Variants in SPTBN5 observed in about 807,000 individuals in gnomAD.
SPTBN5 encodes the protein spectrin beta chain, non-erythrocytic 5.
In SPTBN5, 513 loss-of-function variants were observed where a neutral mutation model predicts 477.6. The ratio of observed to expected loss-of-function variants is 1.07; its 90% CI spans 1.00 to 1.16. The LOEUF is 1.16. Ranked by LOEUF, SPTBN5 falls within the 50% of genes most tolerant of loss-of-function variation. The pLI is 0.00. For missense variants in SPTBN5, 5,062 were observed against 4,731.8 expected (o/e 1.07, Z -2.05); for synonymous variants, 2,169 against 2,011.7 (o/e 1.08, Z -2.09).
chr15:41,876,777 C>T (rs1468831368), intron 19 of SPTBN5, 32 bp downstream of exon 19: 1 of 1,608,106 alleles, frequency 6.2e-7, no homozygotes. Flanking sequence ...AAAGGGTCAT[C>T]TGCAGGTGCT....
chr15:41,856,503 G>A lies in SPTBN5; in HGVS notation c.8904C>T (p.His2968=), dbSNP rs773045629. Residue 2968 remains histidine (H), a synonymous_variant, in exon 53 of 68, where the codon CAC becomes CAT. Coordinates refer to ENST00000320955, the MANE Select transcript of SPTBN5 (RefSeq NM_016642.4). ...GCTGCTGCACCCGGGCGGCCACCTC[G>A]TGGGCGGCAAAGTGCCCAGCCTGCA... ...KLVQAGHFAA[H]EVAARVQQLE... The A allele has an allele frequency of 2.1e-5, 33 of 1,599,378 alleles. No homozygotes were observed. The highest frequency in any genetic ancestry group is 3.3e-4 in the Middle Eastern group (2 of 5,986).
intron 21 of SPTBN5, 59 bp from the exon 22 acceptor site, chr15:41,875,681 G>T: frequency 6.7e-7 from 1 of 1,499,414 alleles, no homozygotes; most frequent in East Asian, 2.5e-5. Context: ...ACCAGTGGCC[G>T]CAGCAGGCTG....
At position 41,852,382 on chromosome 15, in the gene SPTBN5, C is replaced by T. The variant is rs534408675; in HGVS notation, c.10450-66G>A. 78 of 1,493,774 alleles carry T rather than the reference C, an allele frequency of 5.2e-5. No individual in the cohort carries two copies. The Admixed American group carries it at 1.3e-3, about 25-fold the overall frequency. The allele number at this position is 1,493,774 out of a possible 1,614,324, so 92.5% of individuals were successfully genotyped here. A position where few individuals can be genotyped will look rare whatever the true frequency, so the allele number is the denominator to read the frequency against. ...GGAGACCAGCCACACCTCAGGTTCC[C>T]GTCTACCTCCCCTCCCCCAGCCCTC... is the stretch of plus-strand genomic sequence containing the variant. On this transcript the variant is annotated intron_variant, in intron 61 of 67. Transcript: ENST00000320955.
At position 41,851,311 on chromosome 15, in the gene SPTBN5, A is replaced by G. The variant is rs534996037; in HGVS notation, c.10715T>C (p.Leu3572Pro). 13 of 1,551,180 alleles carry G rather than the reference A, an allele frequency of 8.4e-6. No individual in the cohort carries two copies. Among genetic ancestry groups the G allele is most frequent in the East Asian group, 4.9e-5 (2 of 40,918 alleles). ...CGCTGCCATCCTCTCATCCAGGAAC[A>G]GGCTCAGAGAGCTGCCCTGCAAGTT... ...RGNLQGSSLS[L>P]FLDERMAAEK... The change falls in exon 64 of 68, where the codon CTG (leucine) becomes CCG (proline). Residue 3572 changes from leucine to proline, a missense_variant. Coordinates refer to ENST00000320955, the MANE Select transcript of SPTBN5 (RefSeq NM_016642.4).
intron 16 of SPTBN5, 66 bp from the exon 17 acceptor site, chr15:41,878,695 C>G (rs2066835158): frequency 1.3e-6 from 2 of 1,512,710 alleles, no homozygotes; most frequent in Non-Finnish European, 1.8e-6. Context: ...GGCACATGTC[C>G]TCTCTCCAAA....
rs754396835 is a variant in SPTBN5, at chr15:41,855,687, A to G, written c.9080T>C (p.Met3027Thr). The change falls in exon 54 of 68, where the codon ATG (methionine) becomes ACG (threonine). Residue 3027 changes from methionine (M) to threonine (T), a missense_variant. Met to Thr is a moderately conservative substitution (Grantham distance 81). Coordinates refer to ENST00000320955, the MANE Select transcript of SPTBN5 (RefSeq NM_016642.4). ...ERGHVLDSED[M>T]GHSAEATQAL... Reference sequence around the variant, plus strand: ...CTGTGTGGCTTCAGCACTGTGGCCCATGTCCTCGCTGTCCAGGACATGGCC... The same window carrying G: ...CTGTGTGGCTTCAGCACTGTGGCCCGTGTCCTCGCTGTCCAGGACATGGCC... 1.9e-6 allele frequency: 3 copies of G among 1,602,936 alleles called. No homozygotes were observed. The highest frequency in any genetic ancestry group is 1.7e-6 in the Non-Finnish European group (2 of 1,176,930).
intron 1 of SPTBN5, 71 bp from the exon 2 acceptor site, chr15:41,893,617 C>A: frequency 1.4e-6 from 2 of 1,445,778 alleles, no homozygotes. Flanking sequence ...GGGGTCCCGC[C>A]TTGCCAGACT....
At chr15:41,884,910 G>A (rs2067097512) in intron 7 of SPTBN5, among the ~76,000 whole-genome samples, 1 of 152,208 alleles carries the variant, frequency 6.6e-6, no homozygotes, top group African/African-American at 2.4e-5. Context: ...TGTCTCCCAC[G>A]TCTGCATGGC....
Position 41,855,556 on chromosome 15 carries a change from G to T in SPTBN5, c.9211C>A (p.Pro3071Thr), listed in dbSNP as rs2065908716. The change falls in exon 54 of 68, where the codon CCA becomes ACA. Residue 3071 changes from proline (P) to threonine (T), a missense_variant. Coordinates refer to ENST00000320955, the MANE Select transcript of SPTBN5 (RefSeq NM_016642.4). ...GGTGTGGCTTCCGCCCACCTTTCTGGGTTCTTCCTGCTCTCCAGGAGTGCT... is the reference window on the plus strand; with the variant it reads ...GGTGTGGCTTCCGCCCACCTTTCTGTGTTCTTCCTGCTCTCCAGGAGTGCT... ...TAALLESRKNPESPKVLAQLQ... is the reference protein window; with the variant it reads ...TAALLESRKNTESPKVLAQLQ... 2.5e-6 allele frequency: 4 copies of T among 1,609,276 alleles called. No individual in the cohort carries two copies. The highest frequency in any genetic ancestry group is 2.5e-6 in the Non-Finnish European group (3 of 1,177,496).
intron 53 of SPTBN5, among the ~76,000 whole-genome samples, 178 bp from the exon 54 acceptor site, chr15:41,855,923 G>A (rs1453824528): frequency 6.6e-6 from 1 of 152,228 alleles, no homozygotes; most frequent in African/African-American, 2.4e-5. Context: ...GAGCGGCAGT[G>A]TTTTGTAAAG....
intron 34 of SPTBN5, 68 bp downstream of exon 34, chr15:41,868,001 G>A (rs553483025): frequency 7.9e-6 from 12 of 1,511,534 alleles, no homozygotes; most frequent in South Asian, 1.3e-5. Flanking sequence ...GAAAGGGACT[G>A]AGCAGAGAGG....
rs764748910 is a variant in SPTBN5, at chr15:41,871,797, G to T, written c.5286C>A (p.Asp1762Glu). Residue 1762 changes from aspartate (D) to glutamate (E), a missense_variant, in exon 28 of 68, where the codon GAC becomes GAA. Physicochemically the swap from Asp to Glu is conservative, Grantham distance 45 (BLOSUM62 2). Transcript: ENST00000320955. ...AAKGGESLGE[D>E]PEHALHLCTK... ...CTCTTCTCACCAGGGCGTGCTCGGG[G>T]TCCTCTCCCAGGCTCTCCCCTCCTT... 14 of 1,589,788 alleles carry T rather than the reference G, an allele frequency of 8.8e-6. No homozygotes were observed. Among genetic ancestry groups the T allele is most frequent in the East Asian group, 2.3e-5 (1 of 43,426 alleles).
At position 41,874,469 on chromosome 15, in the gene SPTBN5, AAG is replaced by A; in HGVS notation, c.4510_4511del (p.Leu1504SerfsTer112). On this transcript the variant is annotated frameshift_variant, in exon 24 of 68. Coordinates refer to ENST00000320955, the MANE Select transcript of SPTBN5 (RefSeq NM_016642.4). LOFTEE classifies it high-confidence loss of function. ...ETQKHLRRLE[L>X]LQGHLAIRGL... ...CCCGGATGGCCAGATGCCCCTGCAG[AAG>A]CTCCAGCCTAGGAGGAGGAGGAAGA... 1 of 1,608,316 alleles carries A rather than the reference AAG, an allele frequency of 6.2e-7. No homozygotes were observed. The highest frequency in any genetic ancestry group is 8.5e-7 in the Non-Finnish European group (1 of 1,177,978).
In SPTBN5 at chr15:41,866,405, T is replaced by C; in HGVS notation, c.6569A>G (p.Lys2190Arg). The change falls in exon 37 of 68, where the codon AAA (lysine) becomes AGA (arginine). Residue 2190 changes from lysine to arginine, a missense_variant. Coordinates refer to ENST00000320955, the MANE Select transcript of SPTBN5 (RefSeq NM_016642.4). Reference sequence around the variant, plus strand: ...GACTTCAGCCTCAAAGGCCTGGTGTTTCAGCAGGGGCTTCAGCTTATCTCT... The same window carrying C: ...GACTTCAGCCTCAAAGGCCTGGTGTCTCAGCAGGGGCTTCAGCTTATCTCT... ...DLRDKLKPLL[K>R]HQAFEAEVQA... The C allele has an allele frequency of 6.2e-7, 1 of 1,611,836 alleles. No homozygotes were observed. The highest frequency in any genetic ancestry group is 8.5e-7 in the Non-Finnish European group (1 of 1,178,938).
At position 41,887,354 on chromosome 15, in the gene SPTBN5, C is replaced by T. The variant is rs1397943045; in HGVS notation, c.747G>A (p.Leu249=). 9.0e-6 allele frequency: 14 copies of T among 1,552,676 alleles called. No homozygotes were observed. Among genetic ancestry groups the T allele is most frequent in the Middle Eastern group, 3.3e-4 (2 of 5,994 alleles). ...CGGGGTCCAGCAGCTGAGCAATGCC[C>T]AGCTCCTGCTCAGCCACCAGGAAAG... is the stretch of plus-strand genomic sequence containing the variant. ...AFAFLVAEQE[L]GIAQLLDPED... is the part of the protein sequence containing the mutation. The change falls in exon 6 of 68, where the codon CTG becomes CTA. Residue 249 remains leucine, a synonymous_variant. Coordinates refer to ENST00000320955, the MANE Select transcript of SPTBN5 (RefSeq NM_016642.4).
At chr15:41,852,387 ACCTCCCCTCCCCCAGC>A in intron 61 of SPTBN5, 71 bp from the exon 62 acceptor site, 2 of 1,487,122 alleles carry the variant, frequency 1.3e-6, no homozygotes, top group Non-Finnish European at 1.8e-6. Context: ...GTTCCCGTCT[ACCTCCCCTCCCCCAGC>A]CCTCCCGGTC....
chr15:41,873,746 C>T (rs539392322), intron 25 of SPTBN5, 99 bp downstream of exon 25: 11 of 1,527,182 alleles, frequency 7.2e-6, no homozygotes, highest in South Asian at 7.0e-5. Context: ...CAGCCCAGAG[C>T]CCCCACCACT....
At position 41,852,711 on chromosome 15, in the gene SPTBN5, G is replaced by C; in HGVS notation, c.10372C>G (p.Leu3458Val). Reference sequence around the variant, plus strand: ...TCTAAGTCCTGGTGTCTGTGCAGCAGCAACTCCACATCTGACACTGAGTGC... The same window carrying C: ...TCTAAGTCCTGGTGTCTGTGCAGCACCAACTCCACATCTGACACTGAGTGC... ...YGHSVSDVEL[L>V]LHRHQDLEKL... is the part of the protein sequence containing the mutation. The change falls in exon 61 of 68, where the codon CTG (leucine) becomes GTG (valine). Residue 3458 changes from leucine (L) to valine (V), a missense_variant. Coordinates refer to ENST00000320955, the MANE Select transcript of SPTBN5 (RefSeq NM_016642.4). The C allele has an allele frequency of 1.9e-6, 3 of 1,611,962 alleles. No individual in the cohort carries two copies. The highest frequency in any genetic ancestry group is 2.5e-6 in the Non-Finnish European group (3 of 1,179,044).
rs1031789481 is a variant in SPTBN5 at position 41,881,174 on chromosome 15, C to T, written c.2518G>A (p.Ala840Thr). 3 of 1,613,158 alleles carry T rather than the reference C, an allele frequency of 1.9e-6. No individual in the cohort carries two copies. The highest frequency in any genetic ancestry group is 2.7e-5 in the African/African-American group (2 of 74,920). ...TCCCCAGGGCCAGGGTGGCAGGAAG[C>T]CTCACTCCAGGGCCCTGGGTTCCTC... is the stretch of plus-strand genomic sequence containing the variant. ...SLRNPGPWSE[A>T]SCHPGPGDAW... The change falls in exon 13 of 68, where the codon GCT becomes ACT. Residue 840 changes from alanine to threonine, a missense_variant. Physicochemically the swap from Ala to Thr is moderately conservative, Grantham distance 58. Coordinates refer to ENST00000320955, the MANE Select transcript of SPTBN5 (RefSeq NM_016642.4).
Sources: gnomAD v4.1 joint callset for allele counts (sites outside exome capture counted in the v4.1 genomes callset) on GRCh38, gnomAD v4.1.1 for gene constraint, MANE v1.5 for transcripts, NCBI Gene and HGNC (gene_info 2026-07-23, HGNC 2026-07-21) for gene names.